TAFA5: variants seen among roughly 807,000 people sequenced by gnomAD.
The protein encoded by TAFA5 is chemokine-like protein TAFA-5.
TAFA5 carries 6 observed loss-of-function variants against 15.3 expected under a neutral mutation model. That is an observed-to-expected ratio of 0.39 (90% confidence interval 0.21 to 0.77). TAFA5 has a LOEUF of 0.77. TAFA5 is among the 30% of genes least tolerant of loss of function. The pLI, the probability that TAFA5 is intolerant of heterozygous loss-of-function variation, is 0.41. For synonymous variants in TAFA5, 103 were observed against 80.7 expected (o/e 1.28, Z -1.48); for missense variants, 161 against 193.1 (o/e 0.83, Z 0.98).
Position 48,500,829 on chromosome 22 carries a change from G to A in TAFA5, c.112+11125G>A, listed in dbSNP as rs930067641. Reference sequence around the variant, plus strand: ...GCTGGGGGACTCAGGAGGTGGGGATGGGCCTGGCCCTGCTCGGGTAGGGCT... The same window carrying A: ...GCTGGGGGACTCAGGAGGTGGGGATAGGCCTGGCCCTGCTCGGGTAGGGCT... On this transcript the variant is annotated intron_variant, in intron 1 of 3. Transcript: ENST00000402357. Among the ~76,000 whole-genome samples, 3 of 152,340 alleles carry A rather than the reference G, an allele frequency of 2.0e-5. No homozygotes were observed. The East Asian group carries it at 5.8e-4, about 29-fold the overall frequency.
chr22:48,562,319 T>C (rs758806015), intron 1 of TAFA5, among the ~76,000 whole-genome samples: 20 of 152,286 alleles, frequency 1.3e-4, no homozygotes, highest in Non-Finnish European at 2.8e-4. Context: ...TTTGTATTTT[T>C]AGTAGAGACG....
At chr22:48,673,632 T>C (rs750006465) in intron 2 of TAFA5, among the ~76,000 whole-genome samples, 17 of 152,158 alleles carry the variant, frequency 1.1e-4, no homozygotes, top group Non-Finnish European at 1.9e-4. Context: ...GGCTGTGTAC[T>C]GTGTGTAGGG....
chr22:48,595,989 G>A (rs1165205305), intron 1 of TAFA5, among the ~76,000 whole-genome samples: 1 of 152,214 alleles, frequency 6.6e-6, no homozygotes, highest in Non-Finnish European at 1.5e-5. Context: ...AGGAATTAGT[G>A]GTATTACTGT....
At chr22:48,677,373 C>A (rs1310138958) in intron 2 of TAFA5, among the ~76,000 whole-genome samples, 1 of 152,212 alleles carries the variant, frequency 6.6e-6, no homozygotes, top group Non-Finnish European at 1.5e-5. Context: ...ATGGGGATGC[C>A]GGGGTCGGTG....
chr22:48,541,186 T>C (rs1270848029), intron 1 of TAFA5, among the ~76,000 whole-genome samples: 1 of 152,082 alleles, frequency 6.6e-6, no homozygotes, highest in Non-Finnish European at 1.5e-5. Flanking sequence ...CCCGGGGCGT[T>C]TGTACAGGGC....
intron 1 of TAFA5, among the ~76,000 whole-genome samples, chr22:48,580,344 A>G (rs528117075): frequency 6.6e-6 from 1 of 152,358 alleles, no homozygotes; most frequent in African/African-American, 2.4e-5. Flanking sequence ...CAAGATTAGC[A>G]GCCAATGCAG....
chr22:48,569,149 G>T (rs545782006), intron 1 of TAFA5, among the ~76,000 whole-genome samples: 1 of 152,182 alleles, frequency 6.6e-6, no homozygotes, highest in African/African-American at 2.4e-5. Context: ...GTGGGATGGG[G>T]ACAGCTGCCT....
At chr22:48,698,462 G>A (rs1275087225) in intron 2 of TAFA5, among the ~76,000 whole-genome samples, 2 of 151,844 alleles carry the variant, frequency 1.3e-5, no homozygotes, top group South Asian at 4.2e-4. Flanking sequence ...GATGATGATG[G>A]TAATGGTAGT....
At chr22:48,631,222 T>TGCCAG (rs771211817) in intron 1 of TAFA5, among the ~76,000 whole-genome samples, 13 of 152,128 alleles carry the variant, frequency 8.5e-5, no homozygotes, top group Admixed American at 2.0e-4. Flanking sequence ...TTGGCCCCTC[T>TGCCAG]GCCAGGCCAG....
At chr22:48,686,042 G>A (rs1039917107) in intron 2 of TAFA5, among the ~76,000 whole-genome samples, 3 of 152,068 alleles carry the variant, frequency 2.0e-5, no homozygotes, top group Admixed American at 6.6e-5. Context: ...CAGGCCCCAC[G>A]TGTGCCCCGG....
chr22:48,565,045 T>C (rs1217281626), intron 1 of TAFA5, among the ~76,000 whole-genome samples: 4 of 152,186 alleles, frequency 2.6e-5, no homozygotes, highest in African/African-American at 9.7e-5. Flanking sequence ...TCTCATCCCA[T>C]GGTAAGGTGG....
chr22:48,586,290 CT>C (rs1924358025), intron 1 of TAFA5, among the ~76,000 whole-genome samples: 1 of 152,262 alleles, frequency 6.6e-6, no homozygotes, highest in Non-Finnish European at 1.5e-5. Flanking sequence ...GCACACGCAC[CT>C]CCTGCTGCAG....
intron 2 of TAFA5, among the ~76,000 whole-genome samples, chr22:48,657,359 G>A (rs1015838240): frequency 2.6e-5 from 4 of 152,220 alleles, no homozygotes; most frequent in African/African-American, 9.6e-5. Context: ...ATAGACCTAT[G>A]TTAAGTAAAA....
chr22:48,533,457 G>A (rs11704253), intron 1 of TAFA5, among the ~76,000 whole-genome samples: 16,198 of 152,262 alleles, frequency 0.11, 1,064 homozygotes, highest in Non-Finnish European at 0.15. Context: ...GGTCTTCAGC[G>A]TCTTGGCCTC....
intron 1 of TAFA5, among the ~76,000 whole-genome samples, chr22:48,593,171 GCTTGACGT>G (rs1419230159): frequency 6.6e-6 from 1 of 152,236 alleles, no homozygotes; most frequent in East Asian, 1.9e-4. Flanking sequence ...CTCTTTCCCA[GCTTGACGT>G]CCTGAGGCCG....
At chr22:48,532,088 G>A (rs1056855679) in intron 1 of TAFA5, among the ~76,000 whole-genome samples, 1 of 152,246 alleles carries the variant, frequency 6.6e-6, no homozygotes, top group African/African-American at 2.4e-5. Context: ...CACCCCGCCT[G>A]CCTCCTCCGG....
At chr22:48,650,357 C>T (rs1317337788) in intron 2 of TAFA5, among the ~76,000 whole-genome samples, 1 of 152,100 alleles carries the variant, frequency 6.6e-6, no homozygotes, top group Non-Finnish European at 1.5e-5. Context: ...AGATGGATAC[C>T]CATGGCAGCA....
chr22:48,542,457 G>A (rs373494022), intron 1 of TAFA5, among the ~76,000 whole-genome samples: 14 of 122,024 alleles, frequency 1.1e-4, no homozygotes, highest in African/African-American at 2.2e-4. Flanking sequence ...GTATGTGCGG[G>A]TGTGTGTTGT....
intron 1 of TAFA5, among the ~76,000 whole-genome samples, chr22:48,574,288 G>A (rs568564588): frequency 3.9e-5 from 6 of 152,206 alleles, no homozygotes; most frequent in African/African-American, 1.4e-4. Context: ...GGATGTTTTC[G>A]GGGGCAGGTG....
Sources: allele counts gnomAD v4.1 joint callset (sites outside exome capture counted in the v4.1 genomes callset), GRCh38; gene constraint gnomAD v4.1.1; transcripts MANE v1.5; gene names NCBI Gene and HGNC (gene_info 2026-07-23, HGNC 2026-07-21).